Variants in SNAP91 observed in about 807,000 individuals in gnomAD.
SNAP91 encodes synaptosome associated protein 91.
SNAP91 carries 27 observed loss-of-function variants against 100.3 expected under a neutral mutation model. The observed-to-expected ratio is 0.27, with a 90% CI of 0.20 to 0.37. SNAP91 has a LOEUF of 0.37. SNAP91 is among the 10% of genes least tolerant of loss of function. The pLI, the probability that SNAP91 is intolerant of heterozygous loss-of-function variation, is 1.00. For synonymous variants in SNAP91, 404 were observed against 398.6 expected (o/e 1.01, Z -0.16); for missense variants, 986 against 1,123.7 (o/e 0.88, Z 1.75).
intron 13 of SNAP91, among the ~76,000 whole-genome samples, chr6:83,607,168 A>G (rs2095667270): frequency 6.6e-6 from 1 of 152,186 alleles, no homozygotes; most frequent in Non-Finnish European, 1.5e-5. Context: ...AGGAGGCTAG[A>G]GATTTCAAAG....
rs182904620 is a variant in SNAP91, at chr6:83,597,362, A to C, written c.1325-2881T>G. Among the ~76,000 whole-genome samples the C allele has an allele frequency of 1.4e-3, 214 of 152,350 alleles. 3 individuals are homozygous for C. Among genetic ancestry groups the C allele is most frequent in the Middle Eastern group, 0.014 (4 of 294 alleles). On this transcript the variant is annotated intron_variant, in intron 16 of 29. Coordinates refer to ENST00000369694, the MANE Select transcript of SNAP91 (RefSeq NM_001242792.2). ...AATTTGAATTTGTTAAAAAATAAAC[A>C]AAACTTTTTTAAATATCTAGTTTTT...
At chr6:83,630,290 A>G (rs141314807) in intron 8 of SNAP91, among the ~76,000 whole-genome samples, 6 of 152,052 alleles carry the variant, frequency 3.9e-5, no homozygotes, top group African/African-American at 1.4e-4. Context: ...GTTAATCAGA[A>G]ATATTGGTCT....
chr6:83,641,825 C>A (rs531381457), intron 7 of SNAP91, among the ~76,000 whole-genome samples: 2 of 152,278 alleles, frequency 1.3e-5, no homozygotes, highest in South Asian at 2.1e-4. Flanking sequence ...TCTTTCTCAA[C>A]CTTTAGCTTT....
intron 2 of SNAP91, among the ~76,000 whole-genome samples, chr6:83,685,340 A>G (rs1005298363): frequency 2.0e-5 from 3 of 152,210 alleles, no homozygotes; most frequent in African/African-American, 7.2e-5. Context: ...TAGCAGGAAC[A>G]ATGCCTGCTG....
chr6:83,661,312 G>T (rs1355760724), intron 5 of SNAP91, among the ~76,000 whole-genome samples, 190 bp downstream of exon 5: 1 of 152,138 alleles, frequency 6.6e-6, no homozygotes, highest in African/African-American at 2.4e-5. Flanking sequence ...TCTGCATGAA[G>T]ATATAAACAA....
At position 83,589,723 on chromosome 6, in the gene SNAP91, T is replaced by C. The variant is rs559098377; in HGVS notation, c.2014+1488A>G. Among the ~76,000 whole-genome samples the C allele has an allele frequency of 6.0e-3, 909 of 152,236 alleles. 2 individuals are homozygous for C. The highest frequency in any genetic ancestry group is 0.02 in the African/African-American group (847 of 41,550). On this transcript the variant is annotated intron_variant, in intron 22 of 29. Transcript: ENST00000369694. ...TTAAATAGCCAGTCTGAATTACTGA[T>C]GGAAGGAAAGGTTAACAGCTGGGCT...
At chr6:83,664,911 G>A (rs2128763069) in intron 3 of SNAP91, among the ~76,000 whole-genome samples, 1 of 152,114 alleles carries the variant, frequency 6.6e-6, no homozygotes, top group African/African-American at 2.4e-5. Context: ...TCAACCTTCA[G>A]CAACCACCAT....
At chr6:83,613,057 TTAAG>T (rs2096256935) in intron 11 of SNAP91, among the ~76,000 whole-genome samples, 1 of 152,220 alleles carries the variant, frequency 6.6e-6, no homozygotes, top group African/African-American at 2.4e-5. Context: ...AGTATCATAC[TTAAG>T]TATGAAAAAT....
intron 16 of SNAP91, among the ~76,000 whole-genome samples, chr6:83,600,209 C>G (rs556650437): frequency 1.2e-4 from 19 of 152,150 alleles, no homozygotes; most frequent in Non-Finnish European, 2.5e-4. Context: ...GCAGTGGCAA[C>G]AAAGCTGTGT....
chr6:83,558,132 C>T (rs2127788142), intron 28 of SNAP91, among the ~76,000 whole-genome samples: 1 of 151,794 alleles, frequency 6.6e-6, no homozygotes, highest in East Asian at 1.9e-4. Context: ...AAAACAACTG[C>T]CTTAAGTAAT....
At chr6:83,562,833 A>T (rs1790199159) in intron 26 of SNAP91, among the ~76,000 whole-genome samples, 1 of 151,188 alleles carries the variant, frequency 6.6e-6, no homozygotes, top group Non-Finnish European at 1.5e-5. Flanking sequence ...CCTCACTCTC[A>T]CTCTCTTTTG....
chr6:83,708,168 G>A lies in SNAP91; in HGVS notation c.-30-211C>T. ...TGAGTAGGGCCGTCACGGAACCCCA[G>A]CGTGGGCTCCAGTCGCAGCATCGTG... On this transcript the variant is annotated intron_variant, in intron 1 of 29. Transcript: ENST00000369694. 2.1e-5 allele frequency: 10 copies of A among 466,280 alleles called. No homozygotes were observed. The South Asian group carries it at 3.5e-4, about 16-fold the overall frequency. The allele number at this position is 466,280 out of a possible 1,614,324, so 28.9% of individuals were successfully genotyped here. A position where few individuals can be genotyped will look rare whatever the true frequency, so the allele number is the denominator to read the frequency against.
In SNAP91 at chr6:83,593,652, C is replaced by T; in HGVS notation, c.1522G>A (p.Val508Ile). 6.2e-7 allele frequency: 1 copy of T among 1,613,458 alleles called. No individual in the cohort carries two copies. The highest frequency in any genetic ancestry group is 1.1e-5 in the South Asian group (1 of 90,984). Residue 508 changes from valine to isoleucine, a missense_variant, in exon 18 of 30, where the codon GTT becomes ATT. This residue lies in a region of SNAP91 where 575 missense variants were observed against 579.9 expected (regional missense o/e 0.99). Coordinates refer to ENST00000369694, the MANE Select transcript of SNAP91 (RefSeq NM_001242792.2). ...GGGGCTGTGCTAGCTGTAGGGGTAA[C>T]TACAGGAACACTGGTCTCAGGTGGC... ...MKPPETSVPV[V>I]TPTASTAPPV...
chr6:83,614,831 A>G lies in SNAP91; in HGVS notation c.884+26T>C, dbSNP rs750804177. On this transcript the variant is annotated intron_variant, in intron 11 of 29. Transcript: ENST00000369694. ...GCATTTTTAGTAATTACCAAATGCA[A>G]AAAACTCACTCCATACAGTACTCAC... is the stretch of plus-strand genomic sequence containing the variant. 1.2e-5 allele frequency: 19 copies of G among 1,557,980 alleles called. No individual in the cohort carries two copies. The African/African-American group carries it at 1.9e-4, about 16-fold the overall frequency.
At chr6:83,676,184 C>A (rs1228027664) in intron 2 of SNAP91, among the ~76,000 whole-genome samples, 2 of 151,532 alleles carry the variant, frequency 1.3e-5, no homozygotes, top group African/African-American at 4.9e-5. Context: ...TTATTTAGTG[C>A]CTGCTATGTG....
intron 6 of SNAP91, among the ~76,000 whole-genome samples, chr6:83,657,280 A>G (rs773569921): frequency 6.6e-6 from 1 of 152,144 alleles, no homozygotes; most frequent in Non-Finnish European, 1.5e-5. Context: ...CATGGGGAAT[A>G]CCTTAGTCAG....
intron 8 of SNAP91, among the ~76,000 whole-genome samples, chr6:83,627,889 G>A (rs1478610309): frequency 6.6e-6 from 1 of 151,714 alleles, no homozygotes; most frequent in Non-Finnish European, 1.5e-5. Context: ...GAACAGGTGA[G>A]GTGGCGTTTG....
intron 14 of SNAP91, 145 bp downstream of exon 14, chr6:83,605,540 A>C: frequency 9.4e-7 from 1 of 1,058,582 alleles, no homozygotes; most frequent in Non-Finnish European, 1.4e-6. Context: ...TATTTCAATC[A>C]ATAAATGCCA....
rs553855633 is a variant in SNAP91 at position 83,584,217 on chromosome 6, C to T, written c.2015-1861G>A. On this transcript the variant is annotated intron_variant, in intron 22 of 29. Coordinates refer to ENST00000369694, the MANE Select transcript of SNAP91 (RefSeq NM_001242792.2). ...ACTGTTCTATGTTGTGATTCTCTTT[C>T]TATAGGTGAATGTGGAGAAAACTTG... Among the ~76,000 whole-genome samples, 195 of 152,234 alleles carry T rather than the reference C, an allele frequency of 1.3e-3. 1 individual carries two copies. Among genetic ancestry groups the T allele is most frequent in the African/African-American group, 4.5e-3 (188 of 41,538 alleles).
Sources: gnomAD v4.1 joint callset for allele counts (sites outside exome capture counted in the v4.1 genomes callset) on GRCh38, gnomAD v4.1.1 for gene constraint, gnomAD v4.1.1 regional missense constraint, MANE v1.5 for transcripts, NCBI Gene and HGNC (gene_info 2026-07-23, HGNC 2026-07-21) for gene names.